The following RERG variants were observed in gnomAD, a reference collection of about 807,000 sequenced individuals.
The protein encoded by RERG is RAS like estrogen regulated growth inhibitor, also known as ras-related and estrogen-regulated growth inhibitor.
A neutral mutation model predicts 23.2 loss-of-function variants in RERG; 25 were observed. That is an observed-to-expected ratio of 1.08 (90% CI 0.79 to 1.50). The LOEUF (loss-of-function observed/expected upper bound fraction) is 1.50, where lower values mean the gene tolerates loss of function less well. RERG is among the 40% of genes most tolerant of loss of function. The pLI, the probability that RERG is intolerant of heterozygous loss-of-function variation, is 0.00. For missense variants in RERG, 253 were observed against 250.1 expected, an observed-to-expected ratio of 1.01 and a Z score of -0.08; for synonymous variants, 81 against 89.1, an observed-to-expected ratio of 0.91 and a Z score of 0.51.
intron 2 of RERG, among the ~76,000 whole-genome samples, chr12:15,185,505 C>T (rs141976442): frequency 3.3e-5 from 5 of 152,110 alleles, no homozygotes; most frequent in Non-Finnish European, 7.3e-5. Flanking sequence ...TAGGTGAAGA[C>T]ACCTCAGTTA....
chr12:15,143,586 T>C (rs1864278177), intron 2 of RERG, among the ~76,000 whole-genome samples: 2 of 152,190 alleles, frequency 1.3e-5, no homozygotes, highest in Admixed American at 1.3e-4. Context: ...TTCATTCATT[T>C]TGTTCAATAT....
intron 2 of RERG, among the ~76,000 whole-genome samples, chr12:15,148,744 T>C (rs1303619315): frequency 6.6e-6 from 1 of 150,934 alleles, no homozygotes; most frequent in African/African-American, 2.4e-5. Flanking sequence ...TATTCCAGCA[T>C]CATTATTAAC....
intron 2 of RERG, among the ~76,000 whole-genome samples, chr12:15,160,966 C>T (rs958276705): frequency 2.6e-5 from 4 of 151,964 alleles, no homozygotes; most frequent in Non-Finnish European, 5.9e-5. Context: ...GAAACCCCGT[C>T]TCTACTAAAA....
Position 15,111,272 on chromosome 12 carries a change from T to G in RERG, c.192+72A>C, listed in dbSNP as rs1863608189. ...AAGTTAGTTGAAGAAAAGTGCCTTA[T>G]TTTTGTTCATAGCATAGATTTCTCA... On this transcript the variant is annotated intron_variant, in intron 4 of 4. Transcript: ENST00000256953. 4.9e-6 allele frequency: 6 copies of G among 1,235,586 alleles called. No individual in the cohort carries two copies. The Admixed American group carries it at 1.1e-4, about 22-fold the overall frequency. 76.5% of individuals were successfully genotyped at this position (1,235,586 alleles called of 1,614,324 possible).
At chr12:15,126,141 ATATATATATATGTATT>A (rs1386784312) in intron 2 of RERG, among the ~76,000 whole-genome samples, 2 of 140,942 alleles carry the variant, frequency 1.4e-5, no homozygotes, top group African/African-American at 5.2e-5. Context: ...ATATATATAT[ATATATATATATGTATT>A]TACACACATA....
At chr12:15,166,070 T>C (rs1054999783) in intron 2 of RERG, among the ~76,000 whole-genome samples, 26 of 152,152 alleles carry the variant, frequency 1.7e-4, no homozygotes, top group African/African-American at 6.3e-4. Flanking sequence ...ATGCACAGGG[T>C]AAAAGACTTA....
intron 2 of RERG, among the ~76,000 whole-genome samples, chr12:15,122,682 A>AGTAT (rs1219512651): frequency 6.6e-6 from 1 of 152,224 alleles, no homozygotes; most frequent in Admixed American, 6.5e-5. Context: ...TACAGGAAGC[A>AGTAT]GTAAGCAGTA....
At chr12:15,135,042 C>T (rs911937012) in intron 2 of RERG, among the ~76,000 whole-genome samples, 1 of 152,182 alleles carries the variant, frequency 6.6e-6, no homozygotes, top group Non-Finnish European at 1.5e-5. Context: ...TCTTTCTATA[C>T]ATGAACATGA....
intron 2 of RERG, among the ~76,000 whole-genome samples, chr12:15,184,649 C>T (rs138576523): frequency 6.6e-6 from 1 of 152,194 alleles, no homozygotes; most frequent in East Asian, 1.9e-4. Flanking sequence ...TAATAGCGTC[C>T]GATGACAGCA....
chr12:15,134,234 A>G (rs956138008), intron 2 of RERG, among the ~76,000 whole-genome samples: 1 of 152,090 alleles, frequency 6.6e-6, no homozygotes, highest in Non-Finnish European at 1.5e-5. Context: ...TACCATTTAC[A>G]TGTAGTTCTG....
chr12:15,199,724 G>A (rs1026847416), intron 2 of RERG, among the ~76,000 whole-genome samples: 5 of 151,838 alleles, frequency 3.3e-5, no homozygotes, highest in East Asian at 1.9e-4. Context: ...AAATAACAGC[G>A]GGGATTTGAA....
intron 2 of RERG, among the ~76,000 whole-genome samples, chr12:15,208,652 G>A (rs1262871511): frequency 1.3e-5 from 2 of 151,946 alleles, no homozygotes; most frequent in African/African-American, 4.8e-5. Context: ...ACTCAAAATT[G>A]GTGCTCAACA....
rs192278378 is a variant in RERG at position 15,154,470 on chromosome 12, G to A, written c.62-33351C>T. ...TTATTGTTCCTTATGAAGGAGAGCA[G>A]TGTCTCTAATAATCAGAAAAGAATC... On this transcript the variant is annotated intron_variant, in intron 2 of 4. Coordinates refer to ENST00000256953, the MANE Select transcript of RERG (RefSeq NM_032918.3). The A allele has an allele frequency of 1.8e-4, 27 of 152,342 alleles. No individual in the cohort carries two copies. The East Asian group carries it at 4.4e-3, about 25-fold the overall frequency. The allele number at this position is 152,342 out of a possible 1,614,324, so 9.4% of individuals were successfully genotyped here.
chr12:15,215,403 G>A (rs1343011646), intron 2 of RERG, among the ~76,000 whole-genome samples: 3 of 152,174 alleles, frequency 2.0e-5, no homozygotes, highest in Non-Finnish European at 2.9e-5. Flanking sequence ...AGGAGCTACG[G>A]AGAGAGAGCA....
intron 2 of RERG, among the ~76,000 whole-genome samples, chr12:15,144,212 G>C (rs1223700170): frequency 6.6e-6 from 1 of 152,224 alleles, no homozygotes; most frequent in Non-Finnish European, 1.5e-5. Flanking sequence ...GGGATTGAAA[G>C]CCAGTTTTGT....
intron 4 of RERG, 54 bp downstream of exon 4, chr12:15,111,290 A>G: frequency 4.2e-6 from 6 of 1,413,526 alleles, no homozygotes; most frequent in Non-Finnish European, 4.9e-6. Context: ...CATAGCATAG[A>G]TTTCTCAGTT....
At chr12:15,141,602 C>G (rs528226629) in intron 2 of RERG, among the ~76,000 whole-genome samples, 11 of 152,284 alleles carry the variant, frequency 7.2e-5, no homozygotes, top group African/African-American at 1.9e-4. Context: ...TTCAGGTGAA[C>G]TGATCTTGCC....
intron 2 of RERG, among the ~76,000 whole-genome samples, chr12:15,180,049 A>AC (rs1260912825): frequency 6.6e-6 from 1 of 152,192 alleles, no homozygotes; most frequent in East Asian, 1.9e-4. Flanking sequence ...TTTGGGAGAA[A>AC]CCTGATGGAG....
chr12:15,139,700 C>A (rs1000823840), intron 2 of RERG, among the ~76,000 whole-genome samples: 3 of 151,894 alleles, frequency 2.0e-5, no homozygotes, highest in Non-Finnish European at 4.4e-5. Flanking sequence ...CTTATTAATT[C>A]CAGGGGTTTT....
Sources: gnomAD v4.1 joint callset for allele counts (sites outside exome capture counted in the v4.1 genomes callset) on GRCh38, gnomAD v4.1.1 for gene constraint, MANE v1.5 for transcripts, NCBI Gene and HGNC (gene_info 2026-07-23, HGNC 2026-07-21) for gene names.